Variants in DENND4A observed in about 807,000 individuals in gnomAD.
DENND4A encodes C-myc promoter-binding protein.
A neutral mutation model predicts 199.3 loss-of-function variants in DENND4A; 70 were observed. That is an observed-to-expected ratio of 0.35 (90% CI 0.29 to 0.43). The LOEUF is 0.43. Ranked by LOEUF, DENND4A falls within the 20% of genes least tolerant of loss-of-function variation. DENND4A has a pLI of 1.00. For synonymous variants in DENND4A, 686 were observed against 766.9 expected (o/e 0.89, Z 1.74); for missense variants, 1,723 against 2,255.8 (o/e 0.76, Z 4.78).
chr15:65,687,265 T>C (rs987520824), intron 23 of DENND4A, among the ~76,000 whole-genome samples: 10 of 152,206 alleles, frequency 6.6e-5, no homozygotes, highest in African/African-American at 1.7e-4. Context: ...TTTAATAATA[T>C]AACTATAATG....
chr15:65,729,049 T>A, intron 11 of DENND4A, 23 bp downstream of exon 11: 1 of 1,556,372 alleles, frequency 6.4e-7, no homozygotes, highest in Non-Finnish European at 8.7e-7. Context: ...AATATACATG[T>A]AGAATCACTA....
chr15:65,697,413 AT>A, intron 20 of DENND4A, 30 bp from the exon 21 acceptor site: 1 of 1,376,618 alleles, frequency 7.3e-7, no homozygotes. Context: ...ACAAAACTCT[AT>A]TAGAAACTTC....
intron 12 of DENND4A, among the ~76,000 whole-genome samples, chr15:65,718,760 CTTTTTTTTTTTTTTTTT>C (rs1038227560): frequency 0.014 from 963 of 67,832 alleles, 33 homozygotes; most frequent in African/African-American, 0.046. Context: ...GTTTTTTTTC[CTTTTTTTTTTTTTTTTT>C]TTTTTTTTTT....
At chr15:65,689,319 C>T (rs190364409) in intron 23 of DENND4A, among the ~76,000 whole-genome samples, 41 of 152,196 alleles carry the variant, frequency 2.7e-4, no homozygotes, top group Admixed American at 2.5e-3. Context: ...GGTCTCTTTC[C>T]GTTATCTGCT....
chr15:65,662,116 A>G (rs1345400570), intron 32 of DENND4A, 129 bp from the exon 33 acceptor site: 1 of 775,958 alleles, frequency 1.3e-6, no homozygotes, highest in Non-Finnish European at 2.0e-6. Context: ...ACATTTCTTT[A>G]TCCAAAGGAC....
chr15:65,775,255 A>C (rs2077251682), intron 1 of DENND4A, among the ~76,000 whole-genome samples: 1 of 151,424 alleles, frequency 6.6e-6, no homozygotes, highest in Non-Finnish European at 1.5e-5. Context: ...CTGAGGTGGG[A>C]GGTTTGCTTG....
chr15:65,660,620 T>C lies in DENND4A; in HGVS notation c.*1231A>G. 4.0e-6 allele frequency: 1 copy of C among 250,258 alleles called. No homozygotes were observed. Among genetic ancestry groups the C allele is most frequent in the Middle Eastern group, 1.3e-3 (1 of 760 alleles). 15.5% of individuals were successfully genotyped at this position (250,258 alleles called of 1,614,324 possible). On this transcript the variant is annotated 3_prime_UTR_variant, in exon 33 of 33. Transcript: ENST00000443035. Reference sequence around the variant, plus strand: ...AATAATATGACTAAAAATATATTTTTAAAGCTATTTAATACTCATGATGTC... The same window carrying C: ...AATAATATGACTAAAAATATATTTTCAAAGCTATTTAATACTCATGATGTC...
chr15:65,779,149 G>A (rs1161382278), intron 1 of DENND4A, among the ~76,000 whole-genome samples: 10 of 151,424 alleles, frequency 6.6e-5, no homozygotes, highest in Non-Finnish European at 5.9e-5. Flanking sequence ...TTAATCTCAA[G>A]ATACAAATTC....
chr15:65,791,137 A>G (rs1039718121), intron 1 of DENND4A, among the ~76,000 whole-genome samples: 2 of 152,200 alleles, frequency 1.3e-5, no homozygotes, highest in African/African-American at 2.4e-5. Context: ...GCTGGCTGAC[A>G]CGCGTTTTCT....
In DENND4A at chr15:65,779,670, GAA is replaced by G. The variant is rs373824116; in HGVS notation, c.-102+12338_-102+12339del. Among the ~76,000 whole-genome samples the G allele has an allele frequency of 4.9e-3, 749 of 151,768 alleles. 6 individuals carry two copies. The highest frequency in any genetic ancestry group is 0.018 in the African/African-American group (726 of 41,384). ...GGTGGTGTTTTTCGTTTGTTTTCGA[GAA>G]AGAGTCTCACTCTGTCACCCAGGCT... On this transcript the variant is annotated intron_variant, in intron 1 of 32. Transcript: ENST00000443035.
intron 14 of DENND4A, among the ~76,000 whole-genome samples, chr15:65,712,586 T>A (rs1372692158): frequency 2.0e-5 from 3 of 152,192 alleles, no homozygotes; most frequent in African/African-American, 7.2e-5. Flanking sequence ...TATTTTCCTA[T>A]TCATAGTGAG....
At chr15:65,788,224 C>T in intron 1 of DENND4A, among the ~76,000 whole-genome samples, 1 of 151,988 alleles carries the variant, frequency 6.6e-6, no homozygotes. Flanking sequence ...CTACAGGCGC[C>T]TGCCACCACG....
At chr15:65,735,743 G>C (rs1417373962) in intron 7 of DENND4A, among the ~76,000 whole-genome samples, 8 of 152,196 alleles carry the variant, frequency 5.3e-5, no homozygotes, top group Non-Finnish European at 1.2e-4. Context: ...TTGTGCAACT[G>C]AGTTGTGAGT....
At chr15:65,718,760 C>CTTTTTTTTCTT (rs2075499993) in intron 12 of DENND4A, among the ~76,000 whole-genome samples, 1 of 67,738 alleles carries the variant, frequency 1.5e-5, no homozygotes, top group Non-Finnish European at 3.0e-5. Flanking sequence ...GTTTTTTTTC[C>CTTTTTTTTCTT]TTTTTTTTTT....
rs778272150 is a variant in DENND4A at position 65,667,692 on chromosome 15, A to T, written c.4998T>A (p.Gly1666=). ...ATLQGATDSL[G]LEWHLPSPDP... ...CGGGACTTGGAAGGTGCCATTCTAAACCTAAAGAATCCTGTTGAATAAATA... is the reference window on the plus strand; with the variant it reads ...CGGGACTTGGAAGGTGCCATTCTAATCCTAAAGAATCCTGTTGAATAAATA... Residue 1666 remains glycine (G), a synonymous_variant, in exon 29 of 33, where the codon GGT becomes GGA. Coordinates refer to ENST00000443035, the MANE Select transcript of DENND4A (RefSeq NM_001320835.1). 45 of 1,611,870 alleles carry T rather than the reference A, an allele frequency of 2.8e-5. No homozygotes were observed. The highest frequency in any genetic ancestry group is 3.7e-5 in the Non-Finnish European group (44 of 1,179,310).
intron 22 of DENND4A, among the ~76,000 whole-genome samples, chr15:65,692,576 G>A (rs918713858): frequency 6.6e-6 from 1 of 152,114 alleles, no homozygotes; most frequent in African/African-American, 2.4e-5. Context: ...GATAAGAGTG[G>A]ATACTAGAGG....
chr15:65,732,468 T>C (rs2075987180), intron 8 of DENND4A, among the ~76,000 whole-genome samples: 2 of 152,148 alleles, frequency 1.3e-5, no homozygotes, highest in African/African-American at 4.8e-5. Context: ...AACTTTCAAA[T>C]ACCTACAACA....
chr15:65,709,719 A>AAAAAAAAAAT (rs1218030026), intron 14 of DENND4A, among the ~76,000 whole-genome samples: 1 of 51,474 alleles, frequency 1.9e-5, no homozygotes, highest in Non-Finnish European at 3.1e-5. Context: ...AAAAAAAAAA[A>AAAAAAAAAAT]ATATATATAT....
intron 1 of DENND4A, among the ~76,000 whole-genome samples, chr15:65,772,421 A>T (rs1270492207): frequency 6.6e-6 from 1 of 152,082 alleles, no homozygotes; most frequent in Admixed American, 6.6e-5. Context: ...AAAAGACCAG[A>T]TATTTGGCCA....
Sources: gnomAD v4.1 joint callset for allele counts (sites outside exome capture counted in the v4.1 genomes callset) on GRCh38, gnomAD v4.1.1 for gene constraint, MANE v1.5 for transcripts, NCBI Gene and HGNC (gene_info 2026-07-23, HGNC 2026-07-21) for gene names.